Variants in IQCH observed in about 807,000 individuals in gnomAD.
IQCH encodes the protein IQ motif containing H, also known as IQ domain-containing protein H.
IQCH carries 98 observed loss-of-function variants against 117.0 expected under a neutral mutation model. The ratio of observed to expected loss-of-function variants is 0.84; its 90% CI spans 0.71 to 0.99. The LOEUF (loss-of-function observed/expected upper bound fraction) is 0.99, where lower values mean the gene tolerates loss of function less well. Among genes scored for constraint, IQCH ranks in the 50% least tolerant of loss-of-function variants. The pLI, the probability that IQCH is intolerant of heterozygous loss-of-function variation, is 0.00. For missense variants in IQCH, 1,102 were observed against 1,243.8 expected (o/e 0.89, Z 1.72); for synonymous variants, 412 against 448.2 (o/e 0.92, Z 1.02).
At chr15:67,423,168 T>A (rs1036200812) in intron 16 of IQCH, among the ~76,000 whole-genome samples, 4 of 152,174 alleles carry the variant, frequency 2.6e-5, no homozygotes, top group Non-Finnish European at 1.5e-5. Context: ...GAACTCTCCC[T>A]GTGGTGGAGG....
In IQCH at chr15:67,386,412, C is replaced by G. The variant is rs1208904028; in HGVS notation, c.1456+1393C>G. ...TTTCTGAGAGATTATGAACCAAATG[C>G]TTTTTTCTTGGTATATAGTCTTCAT... On this transcript the variant is annotated intron_variant, in intron 11 of 20. Transcript: ENST00000335894. This position sits in a 1 kb window ranked among gnomAD's most constrained non-coding sequence, Gnocchi z 5.0. Among the ~76,000 whole-genome samples the G allele has an allele frequency of 6.6e-6, 1 of 151,984 alleles. No individual in the cohort carries two copies. The highest frequency in any genetic ancestry group is 2.4e-5 in the African/African-American group (1 of 41,376).
chr15:67,423,641 G>T (rs953104060), intron 16 of IQCH, among the ~76,000 whole-genome samples: 1 of 150,904 alleles, frequency 6.6e-6, no homozygotes, highest in East Asian at 2.0e-4. Context: ...GGTAGCTCAC[G>T]CCTGTAATAC....
rs187167747 is a variant in IQCH, at chr15:67,365,801, G to A, written c.753+5916G>A. ...AAAAGTTAGCCGGGTGTGGTGGCGC[G>A]TGCCTGTAATCCTGGCTGCTCAGGA... On this transcript the variant is annotated intron_variant, in intron 8 of 20. Coordinates refer to ENST00000335894, the MANE Select transcript of IQCH (RefSeq NM_001031715.3). This position sits in a 1 kb window ranked among gnomAD's most constrained non-coding sequence, Gnocchi z 4.4. 6.9e-4 allele frequency among the ~76,000 whole-genome samples: 105 copies of A among 152,252 alleles called. 4 individuals carry two copies. In the East Asian group the frequency reaches 0.012, roughly 17 times the overall value.
At chr15:67,400,398 C>G in intron 14 of IQCH, 93 bp downstream of exon 14, 1 of 809,728 alleles carries the variant, frequency 1.2e-6, no homozygotes. Context: ...GTACTTTCCT[C>G]TCTACTTAGC....
intron 16 of IQCH, among the ~76,000 whole-genome samples, chr15:67,450,349 G>T (rs560369106): frequency 6.6e-6 from 1 of 152,276 alleles, no homozygotes; most frequent in African/African-American, 2.4e-5. Flanking sequence ...GTATGATATT[G>T]GCTGTGGGTT....
intron 4 of IQCH, chr15:67,304,595 C>G: frequency 6.4e-6 from 3 of 468,142 alleles, no homozygotes; most frequent in Non-Finnish European, 3.7e-6. Context: ...TGAAATGGCT[C>G]TCATTCTGTT....
chr15:67,313,635 G>A (rs1160443390), intron 4 of IQCH, among the ~76,000 whole-genome samples: 1 of 152,188 alleles, frequency 6.6e-6, no homozygotes, highest in African/African-American at 2.4e-5. Context: ...ATGGCTTAGA[G>A]CTTTGCCTAA....
Position 67,385,887 on chromosome 15 carries a change from T to C in IQCH, c.1456+868T>C, listed in dbSNP as rs1024866215. On this transcript the variant is annotated intron_variant, in intron 11 of 20. Transcript: ENST00000335894. The surrounding 1 kb of genome is among the most constrained non-coding windows in gnomAD (Gnocchi z 4.6). ...AAAAACAAGGAAGAATTTTAAATGA[T>C]CAAGGACCAACTTAACTGGCTCCCT... Among the ~76,000 whole-genome samples the C allele has an allele frequency of 6.6e-6, 1 of 152,186 alleles. No homozygotes were observed. Among genetic ancestry groups the C allele is most frequent in the Non-Finnish European group, 1.5e-5 (1 of 68,034 alleles).
chr15:67,295,723 C>T (rs974218178), intron 4 of IQCH, among the ~76,000 whole-genome samples: 1 of 152,194 alleles, frequency 6.6e-6, no homozygotes, highest in Non-Finnish European at 1.5e-5. Context: ...TGAATCCTAA[C>T]TAAATGCATC....
intron 4 of IQCH, among the ~76,000 whole-genome samples, chr15:67,311,657 T>C (rs1401845756): frequency 2.0e-5 from 3 of 151,172 alleles, no homozygotes; most frequent in Non-Finnish European, 1.5e-5. Flanking sequence ...TAATACTATA[T>C]GCAATTGTTA....
At position 67,422,639 on chromosome 15, in the gene IQCH, TTCTA is replaced by T. The variant is rs759851661; in HGVS notation, c.2505+1068_2505+1071del. On this transcript the variant is annotated intron_variant, in intron 16 of 20. Transcript: ENST00000335894. The surrounding 1 kb of genome is among the most constrained non-coding windows in gnomAD (Gnocchi z 4.7). ...TTTAAGAATTTTGTAGATCATAACA[TTCTA>T]TCTATTATTATTTTACTGTATGCTT... Among the ~76,000 whole-genome samples the T allele has an allele frequency of 3.9e-5, 6 of 152,220 alleles. No homozygotes were observed. The highest frequency in any genetic ancestry group is 2.1e-4 in the South Asian group (1 of 4,834).
At chr15:67,267,710 G>A (rs543578183) in intron 3 of IQCH, among the ~76,000 whole-genome samples, 1 of 152,298 alleles carries the variant, frequency 6.6e-6, no homozygotes, top group South Asian at 2.1e-4. Flanking sequence ...ATCTCTGTTT[G>A]TTCCTTTGAC....
At chr15:67,351,706 T>C (rs1354724583) in intron 6 of IQCH, among the ~76,000 whole-genome samples, 1 of 152,248 alleles carries the variant, frequency 6.6e-6, no homozygotes, top group East Asian at 1.9e-4. Flanking sequence ...ATGGGAACTT[T>C]TATCATTGCA....
chr15:67,366,840 T>A lies in IQCH; in HGVS notation c.754-5271T>A, dbSNP rs973518838. On this transcript the variant is annotated intron_variant, in intron 8 of 20. Transcript: ENST00000335894. The surrounding 1 kb of genome is among the most constrained non-coding windows in gnomAD (Gnocchi z 4.4). Reference sequence around the variant, plus strand: ...ACCATTAGGTGGTGTGGGCAGTCGTTCATCTATTTTGATTTCAGAGTTACT... The same window carrying A: ...ACCATTAGGTGGTGTGGGCAGTCGTACATCTATTTTGATTTCAGAGTTACT... Among the ~76,000 whole-genome samples the A allele has an allele frequency of 6.6e-6, 1 of 152,202 alleles. No homozygotes were observed. The highest frequency in any genetic ancestry group is 2.4e-5 in the African/African-American group (1 of 41,446).
At chr15:67,398,692 A>G (rs1054205957) in intron 13 of IQCH, among the ~76,000 whole-genome samples, 2 of 152,116 alleles carry the variant, frequency 1.3e-5, no homozygotes, top group Non-Finnish European at 2.9e-5. Flanking sequence ...AAACCTCAAC[A>G]GAACTGTAAA....
In IQCH at chr15:67,282,467, C is replaced by T. The variant is rs141082756; in HGVS notation, c.387+2955C>T. On this transcript the variant is annotated intron_variant, in intron 4 of 20. Transcript: ENST00000335894. The stretch of plus-strand genomic sequence containing the variant: ...TTTAAATGCTATGAGGATGGGTGAG[C>T]TTCACTTAAAAAGTGGCATGGACTA... 6.8e-4 allele frequency among the ~76,000 whole-genome samples: 104 copies of T among 152,184 alleles called. 4 individuals are homozygous for T. In the East Asian group the frequency reaches 0.012, roughly 17 times the overall value.
At chr15:67,257,291 A>G (rs1022013369) in intron 1 of IQCH, among the ~76,000 whole-genome samples, 7 of 152,232 alleles carry the variant, frequency 4.6e-5, no homozygotes, top group Admixed American at 4.6e-4. Context: ...CTTTGTTGTT[A>G]GCCTAGGCAA....
intron 10 of IQCH, among the ~76,000 whole-genome samples, chr15:67,383,252 T>C (rs577207302): frequency 6.6e-6 from 1 of 152,354 alleles, no homozygotes; most frequent in East Asian, 1.9e-4. Flanking sequence ...TGTTCCAAGA[T>C]TAGCATACAC....
In IQCH at chr15:67,450,306, T is replaced by C. The variant is rs554445227; in HGVS notation, c.2506-14821T>C. On this transcript the variant is annotated intron_variant, in intron 16 of 20. Transcript: ENST00000335894. ...GGGCATCCCTGTCTTGTGCCTGTTT[T>C]CAAAGGGAATGCTTCCAGTTTTTGC... Among the ~76,000 whole-genome samples the C allele has an allele frequency of 3.4e-3, 519 of 152,336 alleles. 8 individuals are homozygous for C. Among genetic ancestry groups the C allele is most frequent in the African/African-American group, 0.012 (497 of 41,560 alleles).
Sources: gnomAD v4.1 joint callset for allele counts (sites outside exome capture counted in the v4.1 genomes callset) on GRCh38, gnomAD v4.1.1 for gene constraint, Gnocchi (gnomAD v3.1) non-coding constraint, MANE v1.5 for transcripts, NCBI Gene and HGNC (gene_info 2026-07-23, HGNC 2026-07-21) for gene names.